Variants in ZFP2 observed in about 807,000 individuals in gnomAD.
The protein encoded by ZFP2 is zinc finger protein ZFP2.
ZFP2 carries 33 observed loss-of-function variants against 36.1 expected under a neutral mutation model. That is an observed-to-expected ratio of 0.92 (90% CI 0.69 to 1.22). The LOEUF is 1.22. ZFP2 is among the 50% of genes most tolerant of loss of function. The probability of loss-of-function intolerance (pLI) is 0.00; values close to 1 mark genes in which losing one functional copy is unlikely to be tolerated. For missense variants in ZFP2, 522 were observed against 551.4 expected, an observed-to-expected ratio of 0.95 and a Z score of 0.53; for synonymous variants, 170 against 178.0, an observed-to-expected ratio of 0.96 and a Z score of 0.36.
At chr5:178,905,087 C>G (rs1005947566) in intron 1 of ZFP2, among the ~76,000 whole-genome samples, 2 of 151,926 alleles carry the variant, frequency 1.3e-5, no homozygotes. Flanking sequence ...CCTTAATAGT[C>G]GAATTTTATT....
chr5:178,920,529 C>T (rs2113104272), intron 4 of ZFP2, among the ~76,000 whole-genome samples: 1 of 151,764 alleles, frequency 6.6e-6, no homozygotes, highest in Non-Finnish European at 1.5e-5. Flanking sequence ...CCCAGCTACT[C>T]AGGAGGCTGA....
chr5:178,929,830 A>G (rs754107026), intron 4 of ZFP2, among the ~76,000 whole-genome samples: 2 of 151,754 alleles, frequency 1.3e-5, no homozygotes, highest in African/African-American at 4.8e-5. Context: ...GTATTACTCA[A>G]TTCTCACATT....
In ZFP2 at chr5:178,899,652, A is replaced by G. The variant is rs1034025714; in HGVS notation, c.-450+3678A>G. ...TTTGATAAGGGAGTTCGCACAATCA[A>G]AACTTTCCTAGGAAAAAGTAGTGTC... On this transcript the variant is annotated intron_variant, in intron 1 of 4. Coordinates refer to ENST00000361362, the MANE Select transcript of ZFP2 (RefSeq NM_030613.4). Among the ~76,000 whole-genome samples the G allele has an allele frequency of 6.6e-5, 10 of 152,204 alleles. No individual in the cohort carries two copies. In the East Asian group the frequency reaches 1.4e-3, roughly 21 times the overall value.
intron 4 of ZFP2, among the ~76,000 whole-genome samples, chr5:178,919,320 G>C (rs1332872813): frequency 6.6e-6 from 1 of 152,144 alleles, no homozygotes; most frequent in African/African-American, 2.4e-5. Context: ...CTTCGTGCTA[G>C]TTATACTCTT....
chr5:178,926,585 C>G (rs1276283797), intron 4 of ZFP2, among the ~76,000 whole-genome samples: 1 of 151,706 alleles, frequency 6.6e-6, no homozygotes, highest in Non-Finnish European at 1.5e-5. Context: ...GGCACGATCT[C>G]GACTCACTGC....
chr5:178,901,476 TC>T (rs1428107342), intron 1 of ZFP2, among the ~76,000 whole-genome samples: 2 of 152,216 alleles, frequency 1.3e-5, no homozygotes, highest in African/African-American at 4.8e-5. Context: ...CCTTTACTCT[TC>T]CTAGCTTCTA....
chr5:178,898,407 C>G (rs10039702), intron 1 of ZFP2, among the ~76,000 whole-genome samples: 28,808 of 152,252 alleles, frequency 0.19, 2,913 homozygotes, highest in Non-Finnish European at 0.24. Flanking sequence ...TGTCATGTCT[C>G]TCTGTCTTTC....
intron 1 of ZFP2, among the ~76,000 whole-genome samples, chr5:178,902,899 T>C (rs1758088971): frequency 6.6e-6 from 1 of 152,250 alleles, no homozygotes; most frequent in East Asian, 1.9e-4. Context: ...CAATATATCT[T>C]GGAGACCTGT....
chr5:178,919,505 T>G (rs1758509287), intron 4 of ZFP2, among the ~76,000 whole-genome samples: 1 of 150,956 alleles, frequency 6.6e-6, no homozygotes. Context: ...ACTCTAGGTT[T>G]ATGGTTATTT....
intron 4 of ZFP2, among the ~76,000 whole-genome samples, chr5:178,918,124 T>C (rs1245471794): frequency 6.6e-6 from 1 of 152,258 alleles, no homozygotes; most frequent in Non-Finnish European, 1.5e-5. Context: ...CACTTACTTA[T>C]TGTCTCCCTT....
intron 1 of ZFP2, among the ~76,000 whole-genome samples, chr5:178,906,624 C>T (rs955507636): frequency 2.0e-5 from 3 of 151,978 alleles, no homozygotes; most frequent in South Asian, 2.1e-4. Flanking sequence ...GGCCCGATCT[C>T]GGCTCACTGC....
At chr5:178,922,226 A>T in intron 4 of ZFP2, 2 of 1,076,014 alleles carry the variant, frequency 1.9e-6, no homozygotes, top group South Asian at 1.2e-5. Flanking sequence ...AACTGCTGTC[A>T]GTCTAGTACT....
At chr5:178,922,092 T>G (rs1243499158) in intron 4 of ZFP2, 1 of 1,085,288 alleles carries the variant, frequency 9.2e-7, no homozygotes, top group Admixed American at 1.7e-5. Flanking sequence ...AAGAGACTAC[T>G]GTATACCCAT....
chr5:178,908,595 CT>C (rs1314214800), intron 1 of ZFP2, among the ~76,000 whole-genome samples: 1 of 149,734 alleles, frequency 6.7e-6, no homozygotes, highest in Admixed American at 6.7e-5. Context: ...CCATCCCCCC[CT>C]CCCTGCTCTA....
chr5:178,915,063 C>T (rs1327867540), intron 3 of ZFP2, among the ~76,000 whole-genome samples: 1 of 152,154 alleles, frequency 6.6e-6, no homozygotes, highest in Non-Finnish European at 1.5e-5. Context: ...GTCTTTCTAA[C>T]GCATACACTA....
chr5:178,931,362 C>T lies in ZFP2; in HGVS notation c.49C>T (p.Pro17Ser), dbSNP rs1458082065. Residue 17 changes from proline (P) to serine (S), a missense_variant, in exon 5 of 5, where the codon CCT becomes TCT. Transcript: ENST00000361362. ...WHSTLGETWE[P>S]NNWLEGQQDS... is the part of the protein sequence containing the mutation. ...TTCTACTCTAGGGGAAACCTGGGAA[C>T]CTAATAATTGGTTAGAGGGACAACA... 6.2e-7 allele frequency: 1 copy of T among 1,613,260 alleles called. No homozygotes were observed. Among genetic ancestry groups the T allele is most frequent in the Admixed American group, 1.7e-5 (1 of 59,884 alleles).
intron 1 of ZFP2, chr5:178,910,337 C>T: frequency 8.8e-7 from 1 of 1,140,470 alleles, no homozygotes; most frequent in Non-Finnish European, 1.3e-6. Context: ...AGCACCTGAA[C>T]AGTTCTTCCA....
In ZFP2 at chr5:178,922,672, C is replaced by T; in HGVS notation, c.-78+5962C>T. 1.9e-6 allele frequency: 3 copies of T among 1,586,506 alleles called. 1 individual carries two copies. Among genetic ancestry groups the T allele is most frequent in the South Asian group, 1.1e-5 (1 of 90,558 alleles). Reference sequence around the variant, plus strand: ...CACGTGGCTGGCCTTGTTATTTCACCACTCTGGATATACTGGAATAGAAAG... The same window carrying T: ...CACGTGGCTGGCCTTGTTATTTCACTACTCTGGATATACTGGAATAGAAAG... On this transcript the variant is annotated intron_variant, in intron 4 of 4. Transcript: ENST00000361362.
At position 178,932,279 on chromosome 5, in the gene ZFP2, A is replaced by C. The variant is rs368395714; in HGVS notation, c.966A>C (p.Gly322=). Reference sequence around the variant, plus strand: ...TAGAACATCAGAGACTTCATTCTGGAGTAAAACCTTTTGAATGTAACGAGT... The same window carrying C: ...TAGAACATCAGAGACTTCATTCTGGCGTAAAACCTTTTGAATGTAACGAGT... ...YLIEHQRLHS[G]VKPFECNECG... The change falls in exon 5 of 5, where the codon GGA becomes GGC. Residue 322 remains glycine, a synonymous_variant. Coordinates refer to ENST00000361362, the MANE Select transcript of ZFP2 (RefSeq NM_030613.4). 5 of 1,614,088 alleles carry C rather than the reference A, an allele frequency of 3.1e-6. No individual in the cohort carries two copies. In the African/African-American group the frequency reaches 6.7e-5, roughly 22 times the overall value.
Sources: gnomAD v4.1 joint callset for allele counts (sites outside exome capture counted in the v4.1 genomes callset) on GRCh38, gnomAD v4.1.1 for gene constraint, MANE v1.5 for transcripts, NCBI Gene and HGNC (gene_info 2026-07-23, HGNC 2026-07-21) for gene names.